The following ALK variants were observed in gnomAD, a reference collection of about 807,000 sequenced individuals.
ALK encodes the protein ALK receptor tyrosine kinase.
A neutral mutation model predicts 163.1 loss-of-function variants in ALK; 74 were observed. That is an observed-to-expected ratio of 0.45 (90% CI 0.38 to 0.55). ALK has a LOEUF of 0.55. Among genes scored for constraint, ALK ranks in the 20% least tolerant of loss-of-function variants. The pLI, the probability that ALK is intolerant of heterozygous loss-of-function variation, is 0.00. For synonymous variants in ALK, 960 were observed against 843.2 expected, an observed-to-expected ratio of 1.14 and a Z score of -2.40; for missense variants, 2,063 against 2,105.3, an observed-to-expected ratio of 0.98 and a Z score of 0.39.
At chr2:29,672,257 C>T (rs539994271) in intron 3 of ALK, among the ~76,000 whole-genome samples, 18 of 151,478 alleles carry the variant, frequency 1.2e-4, no homozygotes, top group East Asian at 2.0e-4. Flanking sequence ...ACATGTGCCA[C>T]GCTGGTGCAC....
chr2:29,438,265 G>A (rs759398431), intron 4 of ALK, among the ~76,000 whole-genome samples: 1 of 152,224 alleles, frequency 6.6e-6, no homozygotes, highest in Non-Finnish European at 1.5e-5. Flanking sequence ...AGTGTAGTTA[G>A]ATGTAAGTTC....
chr2:29,459,200 T>C (rs756547370), intron 4 of ALK, among the ~76,000 whole-genome samples: 7 of 151,956 alleles, frequency 4.6e-5, no homozygotes, highest in East Asian at 3.9e-4. Context: ...TTATTCTCCA[T>C]TGAAATTTTC....
At chr2:29,294,960 T>C (rs1241940648) in intron 9 of ALK, among the ~76,000 whole-genome samples, 1 of 152,202 alleles carries the variant, frequency 6.6e-6, no homozygotes, top group Non-Finnish European at 1.5e-5. Flanking sequence ...TCAGTACCAT[T>C]TGCCTCTGGA....
chr2:29,234,361 C>A (rs571350457), intron 13 of ALK, among the ~76,000 whole-genome samples: 1 of 152,174 alleles, frequency 6.6e-6, no homozygotes, highest in South Asian at 2.1e-4. Flanking sequence ...TCACTGAGAG[C>A]CATCGAGGTT....
chr2:29,226,886 T>C (rs373635855), intron 18 of ALK, 36 bp downstream of exon 18: 1 of 1,612,974 alleles, frequency 6.2e-7, no homozygotes, highest in African/African-American at 1.3e-5. Flanking sequence ...TCTCAGGCTA[T>C]GGGCCCCTCT....
intron 3 of ALK, among the ~76,000 whole-genome samples, chr2:29,637,983 G>GA (rs777246215): frequency 3.3e-5 from 5 of 150,096 alleles, no homozygotes; most frequent in East Asian, 3.9e-4. Context: ...AAATAAACTT[G>GA]AAAAAAAAAT....
At chr2:29,627,340 G>A (rs1018359997) in intron 3 of ALK, among the ~76,000 whole-genome samples, 12 of 152,176 alleles carry the variant, frequency 7.9e-5, no homozygotes, top group Non-Finnish European at 5.9e-5. Context: ...TTTTTGCAAG[G>A]AAGAGTATTT....
Position 29,328,508 on chromosome 2 carries a change from T to C in ALK, c.1283-27A>G. 1.9e-6 allele frequency: 3 copies of C among 1,613,902 alleles called. No individual in the cohort carries two copies. In the East Asian group the frequency reaches 6.7e-5, roughly 36 times the overall value. ...TGGAGAGCACACAGACACACAACCA[T>C]GGTAAGTTTGCATGGCCCCAGGCAG... On this transcript the variant is annotated intron_variant, in intron 5 of 28. Transcript: ENST00000389048.
intron 3 of ALK, among the ~76,000 whole-genome samples, chr2:29,544,221 G>A (rs967597207): frequency 5.3e-5 from 8 of 152,156 alleles, no homozygotes. Flanking sequence ...AGATATCAGT[G>A]TTGGGGAATA....
intron 1 of ALK, among the ~76,000 whole-genome samples, chr2:29,754,412 CCTCA>C (rs1337049059): frequency 6.6e-6 from 1 of 152,114 alleles, no homozygotes; most frequent in Non-Finnish European, 1.5e-5. Flanking sequence ...CCCTGCTTGC[CCTCA>C]CTGAGTTTAA....
chr2:29,718,471 A>G (rs1679328125), intron 1 of ALK, among the ~76,000 whole-genome samples: 1 of 152,248 alleles, frequency 6.6e-6, no homozygotes, highest in Non-Finnish European at 1.5e-5. Flanking sequence ...CTAATGTTTT[A>G]CGGCAGACAA....
intron 9 of ALK, among the ~76,000 whole-genome samples, chr2:29,276,877 G>T (rs1454920592): frequency 6.6e-6 from 1 of 152,204 alleles, no homozygotes; most frequent in East Asian, 1.9e-4. Flanking sequence ...TTTTTTTGGG[G>T]TGATGAAAAT....
chr2:29,657,030 C>G (rs1170479733), intron 3 of ALK, among the ~76,000 whole-genome samples: 1 of 152,126 alleles, frequency 6.6e-6, no homozygotes, highest in Admixed American at 6.5e-5. Flanking sequence ...TTCAGGTAAG[C>G]TGCCAGCTTG....
At chr2:29,524,876 C>T (rs530765944) in intron 4 of ALK, among the ~76,000 whole-genome samples, 34 of 147,076 alleles carry the variant, frequency 2.3e-4, no homozygotes, top group Middle Eastern at 3.5e-3. Flanking sequence ...GATGGATGAA[C>T]GGATGGATGG....
Position 29,320,878 on chromosome 2 carries a change from T to C in ALK, c.1419A>G (p.Lys473=), listed in dbSNP as rs1268853000. The C allele has an allele frequency of 6.2e-7, 1 of 1,614,174 alleles. No individual in the cohort carries two copies. Among genetic ancestry groups the C allele is most frequent in the Non-Finnish European group, 8.5e-7 (1 of 1,180,016 alleles). The part of the protein sequence containing the change: ...QGEDESQMCR[K]LPVGFYCNFE... ...AGTTGCAGTAAAAACCCACAGGCAG[T>C]TTCCCTATGGAGAGAGCAGAGAGGC... The change falls in exon 7 of 29, where the codon AAA becomes AAG. Residue 473 remains lysine, a synonymous_variant. Coordinates refer to ENST00000389048, the MANE Select transcript of ALK (RefSeq NM_004304.5).
Position 29,196,758 on chromosome 2 carries a change from A to G in ALK, c.4164+12T>C, listed in dbSNP as rs766019385. ...TAGAGTAAATGTTGACCAAAGGGAG[A>G]AAATGTTTTACCTGGGTGCAGTATT... On this transcript the variant is annotated intron_variant, in intron 28 of 28. Coordinates refer to ENST00000389048, the MANE Select transcript of ALK (RefSeq NM_004304.5). 4 of 1,604,134 alleles carry G rather than the reference A, an allele frequency of 2.5e-6. No homozygotes were observed. In the South Asian group the frequency reaches 4.4e-5, roughly 18 times the overall value.
intron 1 of ALK, among the ~76,000 whole-genome samples, chr2:29,858,036 C>T (rs111374619): frequency 7.5e-6 from 1 of 134,192 alleles, no homozygotes; most frequent in African/African-American, 2.8e-5. Flanking sequence ...GTTTTACTTG[C>T]ATTGGTGTGT....
chr2:29,827,754 T>C (rs572794074), intron 1 of ALK, among the ~76,000 whole-genome samples: 48 of 152,244 alleles, frequency 3.2e-4, no homozygotes, highest in African/African-American at 1.1e-3. Flanking sequence ...AGGTAATCTA[T>C]AGATTCAATG....
At chr2:29,723,861 T>C (rs1679489165) in intron 1 of ALK, among the ~76,000 whole-genome samples, 1 of 152,220 alleles carries the variant, frequency 6.6e-6, no homozygotes, top group Non-Finnish European at 1.5e-5. Context: ...CTTGTGTCAA[T>C]AATTACAACG....
Sources: gnomAD v4.1 joint callset for allele counts (sites outside exome capture counted in the v4.1 genomes callset) on GRCh38, gnomAD v4.1.1 for gene constraint, MANE v1.5 for transcripts, NCBI Gene and HGNC (gene_info 2026-07-23, HGNC 2026-07-21) for gene names.